SHISA9: variants seen among roughly 807,000 people sequenced by gnomAD.
SHISA9 encodes the protein shisa family member 9, also known as protein shisa-9.
A neutral mutation model predicts 38.0 loss-of-function variants in SHISA9; 13 were observed. The ratio of observed to expected loss-of-function variants is 0.34; its 90% CI spans 0.22 to 0.54. SHISA9 has a LOEUF of 0.54. SHISA9 is among the 20% of genes least tolerant of loss of function. SHISA9 has a pLI of 0.91. For missense variants in SHISA9, 538 were observed against 575.8 expected (o/e 0.93, Z 0.67); for synonymous variants, 275 against 242.0 (o/e 1.14, Z -1.27).
the SHISA9 span, among the ~76,000 whole-genome samples, chr16:13,499,323 A>G: frequency 6.6e-6 from 1 of 152,250 alleles, no homozygotes; most frequent in Admixed American, 6.5e-5. Context: ...GATGGATTAA[A>G]TCAACATTAT....
At chr16:13,305,558 G>A in the SHISA9 span, among the ~76,000 whole-genome samples, 1 of 152,168 alleles carries the variant, frequency 6.6e-6, no homozygotes, top group Non-Finnish European at 1.5e-5. Flanking sequence ...CAGTTGCACT[G>A]TTGTAAGCTG....
intron 2 of SHISA9, among the ~76,000 whole-genome samples, chr16:13,167,470 G>A (rs573630341): frequency 2.0e-5 from 3 of 152,204 alleles, no homozygotes; most frequent in Non-Finnish European, 2.9e-5. Flanking sequence ...TACGTTTCTG[G>A]TAACTCCTTG....
At chr16:13,358,411 T>C in the SHISA9 span, among the ~76,000 whole-genome samples, 2 of 152,102 alleles carry the variant, frequency 1.3e-5, no homozygotes, top group Non-Finnish European at 2.9e-5. Context: ...GGCTGTGCTG[T>C]GTGATGTTCC....
At chr16:13,023,777 T>A (rs183786721) in intron 2 of SHISA9, among the ~76,000 whole-genome samples, 1 of 152,196 alleles carries the variant, frequency 6.6e-6, no homozygotes, top group Non-Finnish European at 1.5e-5. Flanking sequence ...CCAGTGATGA[T>A]GTGCATTTTT....
At chr16:13,515,456 A>G in the SHISA9 span, among the ~76,000 whole-genome samples, 4 of 152,260 alleles carry the variant, frequency 2.6e-5, no homozygotes, top group East Asian at 7.7e-4. Flanking sequence ...AAGCAAAGCT[A>G]ATACTACTCA....
At chr16:13,243,697 C>T (rs909531659), downstream of SHISA9, among the ~76,000 whole-genome samples, 1 of 151,536 alleles carries the variant, frequency 6.6e-6, no homozygotes, top group Non-Finnish European at 1.5e-5. Flanking sequence ...CATGTCCGAC[C>T]CCCACTTCTC....
chr16:13,420,965 G>A, the SHISA9 span, among the ~76,000 whole-genome samples: 1,578 of 152,284 alleles, frequency 0.01, 29 homozygotes, highest in African/African-American at 0.036. Context: ...GGGGAAAGCA[G>A]TGATCCAACT....
At chr16:13,061,434 G>A (rs902919265) in intron 2 of SHISA9, among the ~76,000 whole-genome samples, 2 of 152,164 alleles carry the variant, frequency 1.3e-5, no homozygotes, top group East Asian at 3.9e-4. Flanking sequence ...AAGTCGCTTC[G>A]TCCGACAATC....
At chr16:13,530,769 A>AG in the SHISA9 span, among the ~76,000 whole-genome samples, 1 of 152,072 alleles carries the variant, frequency 6.6e-6, no homozygotes, top group Non-Finnish European at 1.5e-5. Flanking sequence ...TGCTTGCGGG[A>AG]GGCCAACCTG....
intron 2 of SHISA9, among the ~76,000 whole-genome samples, chr16:13,008,032 T>G (rs965632698): frequency 6.6e-6 from 1 of 152,180 alleles, no homozygotes; most frequent in Admixed American, 6.5e-5. Flanking sequence ...TTCCTGACGG[T>G]TTTCTCCAGC....
intron 2 of SHISA9, among the ~76,000 whole-genome samples, chr16:13,097,146 A>G (rs1286703340): frequency 6.6e-6 from 1 of 152,186 alleles, no homozygotes; most frequent in Non-Finnish European, 1.5e-5. Flanking sequence ...AAATGGGTGA[A>G]TGAGTGAATC....
the SHISA9 span, among the ~76,000 whole-genome samples, chr16:13,363,172 C>G: frequency 6.6e-6 from 1 of 152,198 alleles, no homozygotes; most frequent in Non-Finnish European, 1.5e-5. Flanking sequence ...TTGAAAACAA[C>G]TATTTCAATG....
At chr16:13,502,525 T>C in the SHISA9 span, among the ~76,000 whole-genome samples, 1 of 152,128 alleles carries the variant, frequency 6.6e-6, no homozygotes, top group Non-Finnish European at 1.5e-5. Context: ...AGATACAAAA[T>C]ATCCATTGTT....
chr16:13,420,141 G>A, the SHISA9 span, among the ~76,000 whole-genome samples: 1 of 144,256 alleles, frequency 6.9e-6, no homozygotes, highest in South Asian at 2.2e-4. Flanking sequence ...AGCTACTCTG[G>A]ATGCTGAGGC....
the SHISA9 span, among the ~76,000 whole-genome samples, chr16:13,313,261 A>AAAAAAAAAC: frequency 2.1e-5 from 3 of 143,020 alleles, no homozygotes; most frequent in African/African-American, 7.7e-5. Flanking sequence ...TCTCAAAAAA[A>AAAAAAAAAC]AAAAAAAAAA....
At chr16:13,213,367 G>A (rs1052208716) in intron 4 of SHISA9, 67 bp downstream of exon 4, 3 of 1,434,206 alleles carry the variant, frequency 2.1e-6, no homozygotes, top group East Asian at 2.5e-5. Flanking sequence ...ATAATGAAGG[G>A]ATAGAGAGTC....
intron 2 of SHISA9, among the ~76,000 whole-genome samples, chr16:13,023,667 C>G (rs2141869081): frequency 6.6e-6 from 1 of 152,320 alleles, no homozygotes; most frequent in African/African-American, 2.4e-5. Flanking sequence ...TTCTCCATAT[C>G]CTCTCCAGCA....
At chr16:13,043,255 C>T (rs2073152118) in intron 2 of SHISA9, among the ~76,000 whole-genome samples, 1 of 152,082 alleles carries the variant, frequency 6.6e-6, no homozygotes, top group Non-Finnish European at 1.5e-5. Context: ...ACAGGCCTGT[C>T]CCGGAAGTGG....
At chr16:13,515,067 C>G in the SHISA9 span, among the ~76,000 whole-genome samples, 2 of 152,074 alleles carry the variant, frequency 1.3e-5, no homozygotes, top group African/African-American at 4.8e-5. Context: ...AGAAAAAAGT[C>G]TGTCAACCTA....
Sources: allele counts gnomAD v4.1 joint callset (sites outside exome capture counted in the v4.1 genomes callset), GRCh38; gene constraint gnomAD v4.1.1; transcripts MANE v1.5; gene names NCBI Gene and HGNC (gene_info 2026-07-23, HGNC 2026-07-21).